The following PAH variants were observed in gnomAD, a reference collection of about 807,000 sequenced individuals.
PAH encodes phenylalanine hydroxylase, also known as phenylalanine-4-hydroxylase.
A neutral mutation model predicts 62.0 loss-of-function variants in PAH; 64 were observed. The observed-to-expected ratio is 1.03, with a 90% CI of 0.84 to 1.27. The LOEUF is 1.27. Among genes scored for constraint, PAH ranks in the 50% most tolerant of loss-of-function variants. The pLI, the probability that PAH is intolerant of heterozygous loss-of-function variation, is 0.00. For synonymous variants in PAH, 195 were observed against 196.2 expected, an observed-to-expected ratio of 0.99 and a Z score of 0.05; for missense variants, 579 against 542.8, an observed-to-expected ratio of 1.07 and a Z score of -0.66.
At chr12:102,846,546 G>A (rs943595469) in intron 9 of PAH, among the ~76,000 whole-genome samples, 13 of 152,186 alleles carry the variant, frequency 8.5e-5, no homozygotes, top group Non-Finnish European at 2.9e-5. Flanking sequence ...GCTCTGGTGT[G>A]AAAAGTAGAG....
intron 1 of PAH, among the ~76,000 whole-genome samples, chr12:102,923,845 G>T (rs957556443): frequency 6.6e-6 from 1 of 152,078 alleles, no homozygotes; most frequent in Non-Finnish European, 1.5e-5. Context: ...ACAATCAATT[G>T]TCTTTTGGGG....
chr12:102,859,817 T>C (rs1220465255), intron 5 of PAH, among the ~76,000 whole-genome samples: 1 of 152,186 alleles, frequency 6.6e-6, no homozygotes, highest in Non-Finnish European at 1.5e-5. Context: ...ATTGATGGGA[T>C]GTATCTCAAA....
chr12:102,889,271 A>G (rs1877171223), intron 3 of PAH, among the ~76,000 whole-genome samples: 1 of 152,188 alleles, frequency 6.6e-6, no homozygotes, highest in African/African-American at 2.4e-5. Context: ...TTTACTCAGC[A>G]CAGTTCTTCA....
intron 4 of PAH, among the ~76,000 whole-genome samples, chr12:102,868,126 GTATATATATATATA>G (rs1182277046): frequency 7.8e-4 from 5 of 6,410 alleles, no homozygotes; most frequent in East Asian, 4.7e-3. Context: ...ACATATATGT[GTATATATATATATA>G]TATATATATA....
chr12:102,912,259 T>C (rs1037660632), intron 2 of PAH, among the ~76,000 whole-genome samples: 4 of 152,194 alleles, frequency 2.6e-5, no homozygotes, highest in Non-Finnish European at 5.9e-5. Flanking sequence ...TTTACCAATG[T>C]CTTGAAGAAC....
At chr12:102,888,259 A>G (rs1189616359) in intron 3 of PAH, among the ~76,000 whole-genome samples, 1 of 152,148 alleles carries the variant, frequency 6.6e-6, no homozygotes, top group African/African-American at 2.4e-5. Flanking sequence ...AAAGAGGGAA[A>G]GCAACTTGGC....
rs113256036 is a variant in PAH, at chr12:102,906,081, C to T, written c.168+6710G>A. On this transcript the variant is annotated intron_variant, in intron 2 of 12. Coordinates refer to ENST00000553106, the MANE Select transcript of PAH (RefSeq NM_000277.3). Reference sequence around the variant, plus strand: ...CAATGTGTAGACAAATCACAATTTACAAAAAGACAAATTATAAATGTTATG... The same window carrying T: ...CAATGTGTAGACAAATCACAATTTATAAAAAGACAAATTATAAATGTTATG... 1.8e-3 allele frequency among the ~76,000 whole-genome samples: 272 copies of T among 152,076 alleles called. 2 individuals are homozygous for T. Among genetic ancestry groups the T allele is most frequent in the Non-Finnish European group, 2.1e-3 (142 of 67,974 alleles).
intron 5 of PAH, among the ~76,000 whole-genome samples, chr12:102,859,577 A>T (rs1426267530): frequency 6.6e-6 from 1 of 152,232 alleles, no homozygotes; most frequent in Non-Finnish European, 1.5e-5. Context: ...ATCCTCAATA[A>T]AATACTGGCA....
At position 102,950,627 on chromosome 12, in the gene PAH, C is replaced by A. The variant is rs186275567; in HGVS notation, c.-134G>T. On this transcript the variant is annotated 5_prime_UTR_variant, in exon 1 of 4. Transcript: ENST00000546844. Reference sequence around the variant, plus strand: ...GTAAACTGCCCTTGCTTTCCGGAGGCGGCAGGAACGTTTCAGGAGCTCCAA... The same window carrying A: ...GTAAACTGCCCTTGCTTTCCGGAGGAGGCAGGAACGTTTCAGGAGCTCCAA... 2.1e-3 allele frequency: 323 copies of A among 152,446 alleles called. 4 individuals carry two copies. The South Asian group carries it at 0.033, about 16-fold the overall frequency. 9.4% of individuals were successfully genotyped at this position (152,446 alleles called of 1,614,324 possible). A position where few individuals can be genotyped will look rare whatever the true frequency, so the allele number is the denominator to read the frequency against.
chr12:102,901,590 C>CT (rs745757946), intron 2 of PAH, among the ~76,000 whole-genome samples: 4 of 151,366 alleles, frequency 2.6e-5, no homozygotes, highest in African/African-American at 9.8e-5. Context: ...TTTCTCAGCT[C>CT]TTTTTTTTAA....
intron 2 of PAH, among the ~76,000 whole-genome samples, chr12:102,902,061 T>G (rs1877781698): frequency 6.6e-6 from 1 of 152,158 alleles, no homozygotes; most frequent in Non-Finnish European, 1.5e-5. Context: ...CCATTGTGCA[T>G]GGGGGTGCTA....
chr12:102,903,360 CAA>C (rs34480214), intron 2 of PAH, among the ~76,000 whole-genome samples: 2 of 132,010 alleles, frequency 1.5e-5, no homozygotes. Flanking sequence ...GATTCTGTCT[CAA>C]AAAAAAAAAA....
At chr12:102,923,645 T>C (rs1453341226) in intron 1 of PAH, 1 of 152,214 alleles carries the variant, frequency 6.6e-6, no homozygotes, top group African/African-American at 2.4e-5. Flanking sequence ...TACCTTATTT[T>C]GAGCAATGTT....
chr12:102,941,739 G>A lies in PAH; in HGVS notation c.-96+8850C>T, dbSNP rs141078534. ...CGCAAAGCAAATCCACAGTGATCAA[G>A]TAGACTATATTCCTGGGATGCAATG... On this transcript the variant is annotated intron_variant, in intron 1 of 3. Coordinates refer to the PAH transcript ENST00000546844. Among the ~76,000 whole-genome samples, 300 of 152,172 alleles carry A rather than the reference G, an allele frequency of 2.0e-3. 1 individual carries two copies. Among genetic ancestry groups the A allele is most frequent in the African/African-American group, 6.7e-3 (278 of 41,552 alleles).
At chr12:102,921,255 T>G (rs945267278), upstream of PAH, among the ~76,000 whole-genome samples, 1 of 152,208 alleles carries the variant, frequency 6.6e-6, no homozygotes, top group Non-Finnish European at 1.5e-5. Context: ...AATTTGAATT[T>G]CTCTCATAAC....
intron 1 of PAH, among the ~76,000 whole-genome samples, chr12:102,940,689 T>C (rs1431909617): frequency 6.6e-6 from 1 of 152,188 alleles, no homozygotes; most frequent in Non-Finnish European, 1.5e-5. Flanking sequence ...AGACCTAACT[T>C]ATGAGTCACT....
intron 1 of PAH, among the ~76,000 whole-genome samples, chr12:102,943,844 C>CA (rs1262248321): frequency 6.6e-6 from 1 of 151,904 alleles, no homozygotes; most frequent in Admixed American, 6.5e-5. Flanking sequence ...AAGATAGACA[C>CA]AAAAAACAGA....
rs139050138 is a variant in PAH at position 102,853,889 on chromosome 12, G to A, written c.707-939C>T. Among the ~76,000 whole-genome samples the A allele has an allele frequency of 2.6e-3, 396 of 152,278 alleles. 3 individuals are homozygous for A. The South Asian group carries it at 0.039, about 15-fold the overall frequency. On this transcript the variant is annotated intron_variant, in intron 6 of 12. Coordinates refer to ENST00000553106, the MANE Select transcript of PAH (RefSeq NM_000277.3). ...ACACTTTTATTATGCCCACTTTACCGATGGGAAAGCTGAGACAGAGATAGG... is the reference window on the plus strand; with the variant it reads ...ACACTTTTATTATGCCCACTTTACCAATGGGAAAGCTGAGACAGAGATAGG...
chr12:102,933,956 G>A lies in PAH; in HGVS notation c.-96+16633C>T, dbSNP rs1195830093. ...AGCATTTTTAACTTGATGTGATCCC[G>A]TTTGTTCATTTTTTGCTTTGGTTGA... On this transcript the variant is annotated intron_variant, in intron 1 of 3. Coordinates refer to the PAH transcript ENST00000546844. Among the ~76,000 whole-genome samples the A allele has an allele frequency of 3.3e-5, 5 of 151,908 alleles. No homozygotes were observed. In the East Asian group the frequency reaches 7.7e-4, roughly 23 times the overall value.
Sources: gnomAD v4.1 joint callset for allele counts (sites outside exome capture counted in the v4.1 genomes callset) on GRCh38, gnomAD v4.1.1 for gene constraint, MANE v1.5 for transcripts, NCBI Gene and HGNC (gene_info 2026-07-23, HGNC 2026-07-21) for gene names.